Variants in SERINC5 observed in about 807,000 individuals in gnomAD.
SERINC5 encodes serine incorporator 5.
A neutral mutation model predicts 63.1 loss-of-function variants in SERINC5; 41 were observed. That is an observed-to-expected ratio of 0.65 (90% CI 0.51 to 0.84). SERINC5 has a LOEUF of 0.84. Among genes scored for constraint, SERINC5 ranks in the 40% least tolerant of loss-of-function variants. The pLI is 0.00. For synonymous variants in SERINC5, 222 were observed against 215.2 expected (o/e 1.03, Z -0.28); for missense variants, 523 against 573.0 (o/e 0.91, Z 0.89).
In SERINC5 at chr5:80,200,558, G is replaced by A. The variant is rs912614975; in HGVS notation, c.195+2328C>T. Among the ~76,000 whole-genome samples, 10 of 151,892 alleles carry A rather than the reference G, an allele frequency of 6.6e-5. No individual in the cohort carries two copies. In the South Asian group the frequency reaches 8.3e-4, roughly 13 times the overall value. ...TTCTGAATTATAAGCTCCATTTCTC[G>A]CAAGTGTGAACACCCCACGGCTAGC... is the stretch of plus-strand genomic sequence containing the variant. On this transcript the variant is annotated intron_variant, in intron 2 of 11. Coordinates refer to ENST00000507668, the MANE Select transcript of SERINC5 (RefSeq NM_001174072.3).
At chr5:80,250,963 A>T (rs1752382634) in intron 1 of SERINC5, among the ~76,000 whole-genome samples, 1 of 61,952 alleles carries the variant, frequency 1.6e-5, no homozygotes, top group Admixed American at 1.5e-4. Flanking sequence ...TTACTGAATA[A>T]ACGTGTTTTT....
chr5:80,172,956 C>G lies in SERINC5; in HGVS notation c.551+1998G>C, dbSNP rs568524220. 5.6e-4 allele frequency among the ~76,000 whole-genome samples: 86 copies of G among 152,270 alleles called. 1 individual carries two copies. The Middle Eastern group carries it at 0.01, about 18-fold the overall frequency. Reference sequence around the variant, plus strand: ...ATGTCACTTATATTATCCCCTTGTTCATTTAACAATTGGAGACCCACTTGA... The same window carrying G: ...ATGTCACTTATATTATCCCCTTGTTGATTTAACAATTGGAGACCCACTTGA... On this transcript the variant is annotated intron_variant, in intron 5 of 11. Transcript: ENST00000507668.
At chr5:80,135,454 C>T (rs6893919), downstream of SERINC5, among the ~76,000 whole-genome samples, 47,362 of 152,014 alleles carry the variant, frequency 0.31, 7,684 homozygotes, top group Admixed American at 0.36. Flanking sequence ...TGCAGGGACC[C>T]AAGAACTAAA....
At chr5:80,236,184 A>C (rs968932920) in intron 1 of SERINC5, among the ~76,000 whole-genome samples, 1 of 152,142 alleles carries the variant, frequency 6.6e-6, no homozygotes, top group Admixed American at 6.6e-5. Flanking sequence ...ACAACATCTA[A>C]CATTTATGAA....
At chr5:80,191,685 A>G (rs1749201183) in intron 2 of SERINC5, among the ~76,000 whole-genome samples, 1 of 150,536 alleles carries the variant, frequency 6.6e-6, no homozygotes, top group Non-Finnish European at 1.5e-5. Flanking sequence ...AAGAAAGAAA[A>G]AAAAAAAGAC....
Position 80,191,496 on chromosome 5 carries a change from G to GA in SERINC5, c.195+11389dup, listed in dbSNP as rs70982033. On this transcript the variant is annotated intron_variant, in intron 2 of 11. Transcript: ENST00000507668. The stretch of plus-strand genomic sequence containing the variant: ...CATCTCTACAAAAAAAAAAAAAAAA[G>GA]AAAAAAAAAAAAGAAAAATTAGCCA... Among the ~76,000 whole-genome samples, 1,007 of 119,246 alleles carry GA rather than the reference G, an allele frequency of 8.4e-3. 14 individuals carry two copies. Among genetic ancestry groups the GA allele is most frequent in the African/African-American group, 0.031 (948 of 30,572 alleles). 78.2% of individuals were successfully genotyped at this position (119,246 alleles called of 152,430 possible). A position where few individuals can be genotyped will look rare whatever the true frequency, so the allele number is the denominator to read the frequency against.
intron 2 of SERINC5, among the ~76,000 whole-genome samples, chr5:80,184,298 T>A (rs945177525): frequency 6.6e-6 from 1 of 152,142 alleles, no homozygotes; most frequent in African/African-American, 2.4e-5. Flanking sequence ...ATCTTCCCCA[T>A]AACACATGCA....
At chr5:80,249,478 T>G (rs1752308365) in intron 1 of SERINC5, among the ~76,000 whole-genome samples, 1 of 151,926 alleles carries the variant, frequency 6.6e-6, no homozygotes, top group East Asian at 1.9e-4. Flanking sequence ...AATACAGCAC[T>G]TCCAACAAAA....
chr5:80,171,895 C>CA (rs972879265), intron 5 of SERINC5, among the ~76,000 whole-genome samples: 7 of 149,680 alleles, frequency 4.7e-5, no homozygotes, highest in African/African-American at 1.2e-4. Context: ...AAAAAAAAGA[C>CA]AAAAAAAGAA....
intron 1 of SERINC5, among the ~76,000 whole-genome samples, chr5:80,203,887 C>A (rs1047914156): frequency 6.6e-6 from 1 of 152,154 alleles, no homozygotes; most frequent in African/African-American, 2.4e-5. Context: ...TCGGAACTTT[C>A]AGGAGCACAC....
At chr5:80,253,217 T>C (rs34550632) in intron 1 of SERINC5, among the ~76,000 whole-genome samples, 10,629 of 152,208 alleles carry the variant, frequency 0.07, 504 homozygotes, top group Non-Finnish European at 0.11. Context: ...CTGTACTCAC[T>C]CCTACAGCCA....
chr5:80,163,781 T>C (rs536720889), intron 7 of SERINC5, among the ~76,000 whole-genome samples: 25 of 152,356 alleles, frequency 1.6e-4, no homozygotes, highest in African/African-American at 6.0e-4. Context: ...TAGTATTTTG[T>C]TGAAGATTTT....
At chr5:80,118,067 G>T (rs905047343) in intron 11 of SERINC5, among the ~76,000 whole-genome samples, 4 of 152,068 alleles carry the variant, frequency 2.6e-5, no homozygotes, top group African/African-American at 9.7e-5. Flanking sequence ...GCCAGGCGTG[G>T]TGGCGGGCTC....
At chr5:80,146,039 C>G in intron 11 of SERINC5, 51 bp downstream of exon 11, 1 of 1,600,938 alleles carries the variant, frequency 6.2e-7, no homozygotes, top group Non-Finnish European at 8.6e-7. Flanking sequence ...GTACTTAACT[C>G]TTAACTTTAA....
chr5:80,155,708 T>C (rs569211320), intron 8 of SERINC5, among the ~76,000 whole-genome samples: 1 of 152,202 alleles, frequency 6.6e-6, no homozygotes, highest in East Asian at 1.9e-4. Flanking sequence ...TTACCCAGCC[T>C]GGGTAACATA....
intron 7 of SERINC5, among the ~76,000 whole-genome samples, chr5:80,164,910 GTTTTTTTTT>G (rs70982026): frequency 1.2e-5 from 1 of 85,190 alleles, no homozygotes; most frequent in East Asian, 3.7e-4. Flanking sequence ...CTTTTTTTCT[GTTTTTTTTT>G]TTTTTTTTTT....
chr5:80,174,813 A>G (rs1239273306), intron 5 of SERINC5, 141 bp downstream of exon 5: 1 of 561,676 alleles, frequency 1.8e-6, no homozygotes, highest in African/African-American at 1.9e-5. Flanking sequence ...AATGAAGGAG[A>G]GGAGTAAATG....
At chr5:80,205,986 A>AAC (rs1554068316) in intron 1 of SERINC5, among the ~76,000 whole-genome samples, 6 of 151,512 alleles carry the variant, frequency 4.0e-5, no homozygotes, top group Non-Finnish European at 8.8e-5. Flanking sequence ...AAAAAAAAAA[A>AAC]AAAAAAAAAC....
Position 80,188,760 on chromosome 5 carries a change from C to T in SERINC5, c.196-10696G>A, listed in dbSNP as rs550216046. 3.9e-5 allele frequency among the ~76,000 whole-genome samples: 6 copies of T among 152,066 alleles called. No individual in the cohort carries two copies. The South Asian group carries it at 1.0e-3, about 26-fold the overall frequency. On this transcript the variant is annotated intron_variant, in intron 2 of 11. Transcript: ENST00000507668. ...AAAATTGGCCAGGCATAGTGGTGCA[C>T]GCCTGTAGTCCCAGTTACTCAGGAG...
Sources: gnomAD v4.1 joint callset for allele counts (sites outside exome capture counted in the v4.1 genomes callset) on GRCh38, gnomAD v4.1.1 for gene constraint, MANE v1.5 for transcripts, NCBI Gene and HGNC (gene_info 2026-07-23, HGNC 2026-07-21) for gene names.